Variants in SLC4A4 observed in about 807,000 individuals in gnomAD.
SLC4A4 encodes solute carrier family 4 member 4, also known as electrogenic sodium bicarbonate cotransporter 1.
Under a neutral mutation model 111.5 loss-of-function variants are expected in SLC4A4, and 27 were observed. That is an observed-to-expected ratio of 0.24 (90% CI 0.18 to 0.33). SLC4A4 has a LOEUF of 0.33. Among genes scored for constraint, SLC4A4 ranks in the 10% least tolerant of loss-of-function variants. The pLI is 1.00. For synonymous variants in SLC4A4, 443 were observed against 463.4 expected (o/e 0.96, Z 0.57); for missense variants, 909 against 1,315.5 (o/e 0.69, Z 4.78).
chr4:71,369,102 C>A (rs1224052759), intron 6 of SLC4A4, among the ~76,000 whole-genome samples: 2 of 152,076 alleles, frequency 1.3e-5, no homozygotes, highest in East Asian at 3.9e-4. Flanking sequence ...GGATGATGAC[C>A]CCCGAGTGCG....
chr4:71,222,012 G>A (rs1011807360), intron 1 of SLC4A4, among the ~76,000 whole-genome samples: 1 of 152,184 alleles, frequency 6.6e-6, no homozygotes, highest in African/African-American at 2.4e-5. Context: ...CACCTTAATG[G>A]AAATGTTTAT....
intron 14 of SLC4A4, among the ~76,000 whole-genome samples, chr4:71,482,749 G>C (rs1230434307): frequency 6.6e-6 from 1 of 151,594 alleles, no homozygotes; most frequent in African/African-American, 2.4e-5. Flanking sequence ...AGACATTTCA[G>C]ATCACAGTTG....
At chr4:71,156,588 G>GCACACACACACA (rs1553957345) in intron 2 of SLC4A4, among the ~76,000 whole-genome samples, 5 of 138,572 alleles carry the variant, frequency 3.6e-5, no homozygotes, top group South Asian at 2.7e-4. Flanking sequence ...GCGCGCGCGC[G>GCACACACACACA]CACACACACA....
At chr4:71,109,786 G>C (rs1743038778) in intron 2 of SLC4A4, among the ~76,000 whole-genome samples, 1 of 152,048 alleles carries the variant, frequency 6.6e-6, no homozygotes. Context: ...CAAGTGATCT[G>C]TCGTCCTCGG....
At chr4:71,343,132 G>C (rs773485825) in intron 4 of SLC4A4, among the ~76,000 whole-genome samples, 1 of 152,076 alleles carries the variant, frequency 6.6e-6, no homozygotes, top group Non-Finnish European at 1.5e-5. Context: ...TTCATAATAG[G>C]CTCTTAATAA....
intron 2 of SLC4A4, among the ~76,000 whole-genome samples, chr4:71,252,034 G>T (rs1468579378): frequency 6.6e-6 from 1 of 152,082 alleles, no homozygotes; most frequent in Non-Finnish European, 1.5e-5. Context: ...GTCATTTTAT[G>T]AGTTATAATT....
intron 2 of SLC4A4, among the ~76,000 whole-genome samples, chr4:71,169,208 GT>G (rs1275888477): frequency 2.7e-5 from 4 of 150,868 alleles, no homozygotes; most frequent in Non-Finnish European, 5.9e-5. Flanking sequence ...TAGGGATGGG[GT>G]TTCACCATGT....
intron 12 of SLC4A4, among the ~76,000 whole-genome samples, chr4:71,460,220 GT>G (rs1183141698): frequency 6.6e-6 from 1 of 151,504 alleles, no homozygotes; most frequent in Non-Finnish European, 1.5e-5. Context: ...ATTTAGAGAG[GT>G]TTTCCCTACC....
intron 3 of SLC4A4, among the ~76,000 whole-genome samples, chr4:71,287,939 C>T (rs1156939296): frequency 6.6e-6 from 1 of 151,876 alleles, no homozygotes; most frequent in African/African-American, 2.4e-5. Context: ...GACTTTATAT[C>T]ATCTACTACT....
At chr4:71,424,221 C>T (rs1041763957) in intron 7 of SLC4A4, among the ~76,000 whole-genome samples, 12 of 152,134 alleles carry the variant, frequency 7.9e-5, no homozygotes, top group African/African-American at 2.4e-4. Flanking sequence ...ATTTATGCAG[C>T]CAAAAGACAC....
intron 3 of SLC4A4, among the ~76,000 whole-genome samples, chr4:71,291,511 C>T (rs1560382798): frequency 1.3e-5 from 2 of 151,994 alleles, no homozygotes; most frequent in African/African-American, 2.4e-5. Context: ...AAAATCATAG[C>T]TCACTGTAGC....
chr4:71,463,664 G>A (rs1265523866), intron 12 of SLC4A4, among the ~76,000 whole-genome samples: 1 of 152,120 alleles, frequency 6.6e-6, no homozygotes, highest in Admixed American at 6.5e-5. Flanking sequence ...GAAATTGGTT[G>A]TTATCTTTAC....
intron 3 of SLC4A4, among the ~76,000 whole-genome samples, chr4:71,277,565 T>TTTCC (rs202241916): frequency 4.1e-4 from 61 of 149,876 alleles, no homozygotes; most frequent in African/African-American, 4.9e-4. Flanking sequence ...TCTCTTTTTC[T>TTTCC]TTCCTTCCTT....
chr4:71,547,255 A>G lies in SLC4A4; in HGVS notation c.2622-393A>G, dbSNP rs554946333. Among the ~76,000 whole-genome samples, 6 of 152,130 alleles carry G rather than the reference A, an allele frequency of 3.9e-5. No homozygotes were observed. In the South Asian group the frequency reaches 1.2e-3, roughly 31 times the overall value. ...CTGTTTGTTAATTGGAATATGGGAC[A>G]ATGTAATATCTGTCTCCTATGAAAG... On this transcript the variant is annotated intron_variant, in intron 19 of 25. Transcript: ENST00000264485.
At chr4:71,100,358 CAT>C (rs1742690983) in intron 2 of SLC4A4, among the ~76,000 whole-genome samples, 1 of 151,178 alleles carries the variant, frequency 6.6e-6, no homozygotes, top group Admixed American at 6.6e-5. Flanking sequence ...AAAAAAAACA[CAT>C]GATTATCTCA....
At chr4:71,110,178 A>G (rs1434833299) in intron 2 of SLC4A4, among the ~76,000 whole-genome samples, 1 of 152,050 alleles carries the variant, frequency 6.6e-6, no homozygotes, top group Non-Finnish European at 1.5e-5. Context: ...TCTTCCCAGC[A>G]TCCTCTGTGG....
intron 1 of SLC4A4, among the ~76,000 whole-genome samples, chr4:71,083,234 A>C (rs1030296118): frequency 2.6e-5 from 4 of 152,008 alleles, no homozygotes; most frequent in African/African-American, 9.7e-5. Flanking sequence ...TTAAAATTTA[A>C]ATGTATGATA....
chr4:71,413,641 G>A lies in SLC4A4; in HGVS notation c.807+15988G>A, dbSNP rs539689144. Among the ~76,000 whole-genome samples the A allele has an allele frequency of 3.3e-5, 5 of 152,258 alleles. No individual in the cohort carries two copies. The South Asian group carries it at 1.0e-3, about 32-fold the overall frequency. ...TGGATGATTCTTTTAATGGTTTTCTGTCCCCATGGTATGGTGGGAGCAGAA... is the reference window on the plus strand; with the variant it reads ...TGGATGATTCTTTTAATGGTTTTCTATCCCCATGGTATGGTGGGAGCAGAA... On this transcript the variant is annotated intron_variant, in intron 7 of 25. Transcript: ENST00000264485.
At chr4:71,295,025 C>G (rs1210177978) in intron 3 of SLC4A4, among the ~76,000 whole-genome samples, 1 of 152,114 alleles carries the variant, frequency 6.6e-6, no homozygotes, top group Admixed American at 6.5e-5. Flanking sequence ...TTACTGAAGG[C>G]ATAAGGTATA....
Sources: gnomAD v4.1 joint callset for allele counts (sites outside exome capture counted in the v4.1 genomes callset) on GRCh38, gnomAD v4.1.1 for gene constraint, MANE v1.5 for transcripts, NCBI Gene and HGNC (gene_info 2026-07-23, HGNC 2026-07-21) for gene names.